SCHIP1: variants seen among roughly 807,000 people sequenced by gnomAD.
The protein encoded by SCHIP1 is schwannomin interacting protein 1, also known as schwannomin-interacting protein 1.
Under a neutral mutation model 29.7 loss-of-function variants are expected in SCHIP1, and 8 were observed. The observed-to-expected ratio is 0.27, with a 90% CI of 0.16 to 0.49. The LOEUF is 0.49. SCHIP1 is among the 20% of genes least tolerant of loss of function. The pLI is 0.99. For synonymous variants in SCHIP1, 76 were observed against 94.9 expected (o/e 0.80, Z 1.16); for missense variants, 193 against 294.6 (o/e 0.66, Z 2.52).
At chr3:159,674,598 T>TTAA in the SCHIP1 span, among the ~76,000 whole-genome samples, 23 of 53,974 alleles carry the variant, frequency 4.3e-4, no homozygotes, top group African/African-American at 1.7e-3. Context: ...GGGTCAGGAT[T>TTAA]AAAAAAAAAA....
At chr3:159,850,542 CAAA>C (rs61224003) in intron 1 of SCHIP1, among the ~76,000 whole-genome samples, 8 of 104,928 alleles carry the variant, frequency 7.6e-5, no homozygotes, top group South Asian at 6.4e-4. Context: ...GATTCCATCT[CAAA>C]AAAAAAAAAA....
the SCHIP1 span, among the ~76,000 whole-genome samples, chr3:159,546,439 A>G: frequency 6.6e-6 from 1 of 152,128 alleles, no homozygotes; most frequent in Non-Finnish European, 1.5e-5. Flanking sequence ...GTTCAAGGAT[A>G]CATGTACAGA....
At chr3:159,499,462 C>T in the SCHIP1 span, among the ~76,000 whole-genome samples, 8 of 152,320 alleles carry the variant, frequency 5.3e-5, no homozygotes, top group South Asian at 2.1e-4. Flanking sequence ...AGTAGTCATA[C>T]GGATCCACAT....
At chr3:159,632,269 C>A in the SCHIP1 span, among the ~76,000 whole-genome samples, 1 of 152,174 alleles carries the variant, frequency 6.6e-6, no homozygotes, top group Non-Finnish European at 1.5e-5. Context: ...GCTGCAGCCC[C>A]ATGTAGGCCA....
the SCHIP1 span, among the ~76,000 whole-genome samples, chr3:159,407,783 C>G: frequency 2.0e-5 from 3 of 152,054 alleles, no homozygotes; most frequent in Non-Finnish European, 4.4e-5. Context: ...TCCTGAATGA[C>G]CAGTTGGTCA....
chr3:159,400,403 T>C, the SCHIP1 span, among the ~76,000 whole-genome samples: 1 of 152,210 alleles, frequency 6.6e-6, no homozygotes, highest in Non-Finnish European at 1.5e-5. Flanking sequence ...TTAAGTAATA[T>C]TTCAAACAAA....
chr3:159,605,188 G>A, the SCHIP1 span, among the ~76,000 whole-genome samples: 13 of 152,192 alleles, frequency 8.5e-5, no homozygotes, highest in African/African-American at 2.9e-4. Context: ...CGAAGCATTA[G>A]AAGGAGGGTG....
At chr3:159,386,250 A>G in the SCHIP1 span, among the ~76,000 whole-genome samples, 1 of 152,176 alleles carries the variant, frequency 6.6e-6, no homozygotes, top group African/African-American at 2.4e-5. Flanking sequence ...TTCTGGTTCT[A>G]GATCCTTGAG....
the SCHIP1 span, among the ~76,000 whole-genome samples, chr3:159,579,329 T>A: frequency 6.6e-6 from 1 of 152,156 alleles, no homozygotes; most frequent in South Asian, 2.1e-4. Context: ...AAACGATTAA[T>A]GAATATAAAG....
the SCHIP1 span, among the ~76,000 whole-genome samples, chr3:159,750,960 A>G: frequency 5.9e-5 from 9 of 152,164 alleles, no homozygotes; most frequent in Non-Finnish European, 1.2e-4. Flanking sequence ...ACTCTTTGAC[A>G]TAATTGCATG....
chr3:159,330,167 T>C, the SCHIP1 span, among the ~76,000 whole-genome samples: 2 of 152,218 alleles, frequency 1.3e-5, no homozygotes, highest in Non-Finnish European at 2.9e-5. Context: ...TTTAAGATTG[T>C]CAAGAGGCAG....
Position 159,887,922 on chromosome 3 carries a change from G to A in SCHIP1, c.465+17G>A, listed in dbSNP as rs767865756. On this transcript the variant is annotated intron_variant, in intron 4 of 6. Coordinates refer to ENST00000445224, the Ensembl canonical transcript of SCHIP1. ...GCTGATCTTGTAAGCAGCAAAGGCTGAAATGCAAGGAAGTGTTTGGGAGCC... is the reference window on the plus strand; with the variant it reads ...GCTGATCTTGTAAGCAGCAAAGGCTAAAATGCAAGGAAGTGTTTGGGAGCC... 1 of 1,613,408 alleles carries A rather than the reference G, an allele frequency of 6.2e-7. No homozygotes were observed. Among genetic ancestry groups the A allele is most frequent in the South Asian group, 1.1e-5 (1 of 91,016 alleles).
the SCHIP1 span, among the ~76,000 whole-genome samples, chr3:159,329,930 G>T: frequency 6.6e-6 from 1 of 151,908 alleles, no homozygotes; most frequent in Non-Finnish European, 1.5e-5. Flanking sequence ...GGTGACAATG[G>T]TTATGTCCTA....
the SCHIP1 span, chr3:159,764,535 G>A: frequency 1.9e-6 from 3 of 1,590,032 alleles, no homozygotes; most frequent in Non-Finnish European, 2.6e-6. This position sits in a 1 kb window ranked among gnomAD's most constrained non-coding sequence, Gnocchi z 6.1. Context: ...CCACCAAAGT[G>A]ACCCCTTGCT....
At chr3:159,520,109 A>C in the SCHIP1 span, among the ~76,000 whole-genome samples, 20 of 151,564 alleles carry the variant, frequency 1.3e-4, no homozygotes, top group African/African-American at 2.4e-4. Flanking sequence ...AAAAAAAAAA[A>C]AAAAAACTCC....
chr3:159,638,358 A>G, the SCHIP1 span, among the ~76,000 whole-genome samples: 4 of 152,296 alleles, frequency 2.6e-5, no homozygotes, highest in African/African-American at 7.2e-5. Flanking sequence ...AGTCCCAGCT[A>G]TGGAGATCAA....
At chr3:159,363,041 T>A in the SCHIP1 span, among the ~76,000 whole-genome samples, 1 of 152,184 alleles carries the variant, frequency 6.6e-6, no homozygotes, top group Admixed American at 6.6e-5. Flanking sequence ...CCTTCTCAGT[T>A]TTCTACTTCC....
At chr3:159,336,533 A>G in the SCHIP1 span, among the ~76,000 whole-genome samples, 7 of 152,164 alleles carry the variant, frequency 4.6e-5, no homozygotes, top group African/African-American at 1.7e-4. Context: ...AGGTGTAAGG[A>G]AGGGATCCAG....
chr3:159,738,738 C>T, the SCHIP1 span, among the ~76,000 whole-genome samples: 1 of 152,074 alleles, frequency 6.6e-6, no homozygotes. Flanking sequence ...AATGAGTAAA[C>T]AAGGAAATTG....
Sources: gnomAD v4.1 joint callset for allele counts (sites outside exome capture counted in the v4.1 genomes callset) on GRCh38, gnomAD v4.1.1 for gene constraint, Gnocchi (gnomAD v3.1) non-coding constraint, MANE v1.5 for transcripts, NCBI Gene and HGNC (gene_info 2026-07-23, HGNC 2026-07-21) for gene names.